Variants in PCDH11X observed in about 807,000 individuals in gnomAD.
PCDH11X encodes protocadherin-11 X-linked.
PCDH11X carries 18 observed loss-of-function variants against 53.3 expected under a neutral mutation model. The ratio of observed to expected loss-of-function variants is 0.34; its 90% CI spans 0.23 to 0.50. PCDH11X has a LOEUF of 0.50. Among genes scored for constraint, PCDH11X ranks in the 20% least tolerant of loss-of-function variants. The probability of loss-of-function intolerance (pLI) is 0.98; values close to 1 mark genes in which losing one functional copy is unlikely to be tolerated. For synonymous variants in PCDH11X, 279 were observed against 393.3 expected (o/e 0.71, Z 3.44); for missense variants, 570 against 1,032.4 (o/e 0.55, Z 6.14).
intron 6 of PCDH11X, among the ~76,000 whole-genome samples, chrX:92,130,598 C>T (rs747914485): frequency 9.6e-6 from 1 of 103,885 alleles, no homozygotes; most frequent in Non-Finnish European, 1.9e-5. Context: ...TGTGGTGAGC[C>T]GAGATTGTGC....
intron 8 of PCDH11X, among the ~76,000 whole-genome samples, chrX:92,276,406 G>A (rs1036020403): frequency 9.1e-6 from 1 of 109,890 alleles, no homozygotes; most frequent in African/African-American, 3.3e-5. Flanking sequence ...GTGGCTGCCA[G>A]GTGAGTTGAA....
intron 10 of PCDH11X, among the ~76,000 whole-genome samples, chrX:92,606,435 T>C (rs1037410765): frequency 1.9e-5 from 2 of 107,455 alleles, no homozygotes; most frequent in Non-Finnish European, 3.8e-5. Flanking sequence ...ATAAATAGTC[T>C]TTCCACAAGT....
chrX:91,866,773 C>T (rs1048707580), intron 5 of PCDH11X, among the ~76,000 whole-genome samples: 9 of 110,593 alleles, frequency 8.1e-5, no homozygotes, highest in Non-Finnish European at 1.7e-4. Context: ...AATTTGTGTC[C>T]TTGTGGGGAG....
In PCDH11X at chrX:92,549,351, G is replaced by A. The variant is rs1450247945; in HGVS notation, c.3368-68913G>A. 5.8e-5 allele frequency among the ~76,000 whole-genome samples: 6 copies of A among 103,692 alleles called. No individual in the cohort carries two copies. In the East Asian group the frequency reaches 1.5e-3, roughly 26 times the overall value. 90.0% of individuals were successfully genotyped at this position (103,692 alleles called of 115,157 possible). A position where few individuals can be genotyped will look rare whatever the true frequency, so the allele number is the denominator to read the frequency against. On this transcript the variant is annotated intron_variant, in intron 10 of 10. Coordinates refer to ENST00000682573, the MANE Select transcript of PCDH11X (RefSeq NM_032968.5). Reference sequence around the variant, plus strand: ...CTTCATTTCATTTGCTGCTTACTTAGAAAGTATCATGATTTCAGTTCAATG... The same window carrying A: ...CTTCATTTCATTTGCTGCTTACTTAAAAAGTATCATGATTTCAGTTCAATG...
chrX:92,152,168 A>G (rs1292357517), intron 6 of PCDH11X, among the ~76,000 whole-genome samples: 27 of 84,728 alleles, frequency 3.2e-4, no homozygotes, highest in Non-Finnish European at 5.4e-4. Context: ...TGTGCTGGCA[A>G]TTAAGAAGAC....
chrX:92,021,791 A>T (rs2062888307), intron 6 of PCDH11X, among the ~76,000 whole-genome samples: 1 of 108,848 alleles, frequency 9.2e-6, no homozygotes, highest in African/African-American at 3.4e-5. Flanking sequence ...GTCACCTACA[A>T]AGGGAAGCCC....
intron 8 of PCDH11X, among the ~76,000 whole-genome samples, chrX:92,328,319 A>G (rs2069384291): frequency 9.0e-6 from 1 of 110,629 alleles, no homozygotes; most frequent in Admixed American, 9.8e-5. Context: ...GATTATAGGG[A>G]AATTTATGGC....
At chrX:91,796,104 T>C (rs1047748228) in intron 1 of PCDH11X, among the ~76,000 whole-genome samples, 30 of 111,952 alleles carry the variant, frequency 2.7e-4, no homozygotes, top group Non-Finnish European at 5.6e-4. Context: ...TTTGGTTAAG[T>C]GCAAGGAAGT....
At chrX:92,159,194 GAAAT>G (rs1218239164) in intron 6 of PCDH11X, among the ~76,000 whole-genome samples, 2 of 110,864 alleles carry the variant, frequency 1.8e-5, no homozygotes, top group African/African-American at 6.5e-5. Flanking sequence ...ATAATAATGA[GAAAT>G]AAAGTTTGGA....
At chrX:91,934,631 G>C (rs1286790429) in intron 6 of PCDH11X, among the ~76,000 whole-genome samples, 1 of 104,640 alleles carries the variant, frequency 9.6e-6, no homozygotes, top group Non-Finnish European at 2.0e-5. Context: ...TATGGAAATA[G>C]TTTAAATTAG....
intron 6 of PCDH11X, among the ~76,000 whole-genome samples, chrX:92,163,084 G>A (rs2065670540): frequency 1.9e-5 from 2 of 103,825 alleles, no homozygotes; most frequent in Admixed American, 1.1e-4. Flanking sequence ...GGCAGTCTCT[G>A]CTGTGTCATG....
intron 10 of PCDH11X, among the ~76,000 whole-genome samples, chrX:92,514,026 T>C (rs921586298): frequency 9.8e-5 from 11 of 112,002 alleles, no homozygotes; most frequent in South Asian, 3.7e-4. Context: ...CTAATCCATA[T>C]TGTAGTATGT....
chrX:91,849,536 GT>G (rs1937889964), intron 5 of PCDH11X, among the ~76,000 whole-genome samples: 1 of 107,302 alleles, frequency 9.3e-6, no homozygotes, highest in Non-Finnish European at 1.9e-5. Context: ...CTACTTGGCA[GT>G]TTGCCAAATC....
At chrX:92,113,787 C>A (rs1284696687) in intron 6 of PCDH11X, 1 of 1,193,630 alleles carries the variant, frequency 8.4e-7, no homozygotes, top group African/African-American at 2.1e-5. Context: ...TCATGAACTT[C>A]TTGATCACCT....
chrX:92,230,488 AATAC>A (rs1228435281), intron 7 of PCDH11X, among the ~76,000 whole-genome samples: 2 of 92,744 alleles, frequency 2.2e-5, no homozygotes, highest in Non-Finnish European at 4.2e-5. Context: ...ATATATATAA[AATAC>A]ATATATAATA....
At chrX:92,380,078 G>C (rs1267819734) in intron 8 of PCDH11X, among the ~76,000 whole-genome samples, 1 of 99,090 alleles carries the variant, frequency 1.0e-5, no homozygotes, top group Non-Finnish European at 2.1e-5. Flanking sequence ...AGCTCCCTGA[G>C]CCAGGGCTGT....
At chrX:92,509,195 T>G (rs2074119555) in intron 10 of PCDH11X, among the ~76,000 whole-genome samples, 1 of 108,231 alleles carries the variant, frequency 9.2e-6, no homozygotes, top group African/African-American at 3.3e-5. Context: ...ATTGGACCAT[T>G]ATCCAGTGCA....
intron 8 of PCDH11X, among the ~76,000 whole-genome samples, chrX:92,299,606 T>C (rs1422218754): frequency 8.9e-6 from 1 of 111,817 alleles, no homozygotes; most frequent in African/African-American, 3.2e-5. Flanking sequence ...TACATACACA[T>C]GTTCATAATA....
chrX:92,615,193 G>A (rs1476344309), intron 10 of PCDH11X, among the ~76,000 whole-genome samples: 1 of 110,978 alleles, frequency 9.0e-6, no homozygotes, highest in East Asian at 2.9e-4. Context: ...TGTTGATCCA[G>A]GTGAGGAAGT....
Sources: gnomAD v4.1 joint callset for allele counts (sites outside exome capture counted in the v4.1 genomes callset) on GRCh38, gnomAD v4.1.1 for gene constraint, MANE v1.5 for transcripts, NCBI Gene and HGNC (gene_info 2026-07-23, HGNC 2026-07-21) for gene names.